ADARB2: variants seen among roughly 807,000 people sequenced by gnomAD.
ADARB2 encodes the protein inactive double-stranded RNA-specific editase B2.
A neutral mutation model predicts 62.2 loss-of-function variants in ADARB2; 25 were observed. The ratio of observed to expected loss-of-function variants is 0.40; its 90% confidence interval spans 0.29 to 0.56. The LOEUF (loss-of-function observed/expected upper bound fraction) is 0.56, where lower values mean the gene tolerates loss of function less well. Among genes scored for constraint, ADARB2 ranks in the 20% least tolerant of loss-of-function variants. The pLI, the probability that ADARB2 is intolerant of heterozygous loss-of-function variation, is 0.43. For missense variants in ADARB2, 1,071 were observed against 1,077.4 expected, an observed-to-expected ratio of 0.99 and a Z score of 0.08; for synonymous variants, 572 against 500.8, an observed-to-expected ratio of 1.14 and a Z score of -1.90.
intron 1 of ADARB2, among the ~76,000 whole-genome samples, chr10:1,652,981 CA>C (rs1256641719): frequency 6.6e-6 from 1 of 152,218 alleles, no homozygotes; most frequent in Non-Finnish European, 1.5e-5. Flanking sequence ...CCAAGCCCCT[CA>C]GACGATGGAG....
intron 9 of ADARB2, among the ~76,000 whole-genome samples, chr10:1,184,246 A>G (rs556452774): frequency 6.6e-6 from 1 of 152,296 alleles, no homozygotes; most frequent in South Asian, 2.1e-4. Flanking sequence ...TGAGAGAGGC[A>G]TTTTTTATGT....
chr10:1,659,050 A>T (rs1834210316), intron 1 of ADARB2, among the ~76,000 whole-genome samples: 1 of 152,216 alleles, frequency 6.6e-6, no homozygotes, highest in African/African-American at 2.4e-5. Flanking sequence ...CAGCTTTGCA[A>T]ATCTCCTGTT....
chr10:1,693,025 G>A (rs1834693097), intron 1 of ADARB2, among the ~76,000 whole-genome samples: 1 of 152,140 alleles, frequency 6.6e-6, no homozygotes, highest in Non-Finnish European at 1.5e-5. Flanking sequence ...GGAGTTTTTG[G>A]AAGTCTCTTC....
At chr10:1,281,195 C>T (rs374579454) in intron 3 of ADARB2, among the ~76,000 whole-genome samples, 16 of 152,296 alleles carry the variant, frequency 1.1e-4, no homozygotes, top group South Asian at 2.1e-4. Flanking sequence ...TGATGTCACA[C>T]GTTTGGTGGG....
chr10:1,513,392 C>T (rs1175235725), intron 1 of ADARB2, among the ~76,000 whole-genome samples: 6 of 152,180 alleles, frequency 3.9e-5, no homozygotes, highest in African/African-American at 1.2e-4. Context: ...AAGCCGGCAG[C>T]GCCCTGCAGC....
chr10:1,707,570 C>A (rs1358430522), intron 1 of ADARB2, among the ~76,000 whole-genome samples: 2 of 152,194 alleles, frequency 1.3e-5, no homozygotes, highest in African/African-American at 4.8e-5. Context: ...GATCCCGTGG[C>A]CTGGTCTGTT....
At chr10:1,414,991 GTGGATGGA>G (rs898684431) in intron 1 of ADARB2, among the ~76,000 whole-genome samples, 4 of 151,654 alleles carry the variant, frequency 2.6e-5, no homozygotes, top group Admixed American at 6.6e-5. Context: ...ATGATAGAAG[GTGGATGGA>G]TGGATGGATG....
chr10:1,506,724 G>C (rs1180867035), intron 1 of ADARB2, among the ~76,000 whole-genome samples: 1 of 152,228 alleles, frequency 6.6e-6, no homozygotes, highest in South Asian at 2.1e-4. Flanking sequence ...ATAAGTACCC[G>C]CTGTGGACTG....
At chr10:1,607,430 G>T (rs750768102) in intron 1 of ADARB2, among the ~76,000 whole-genome samples, 12 of 152,196 alleles carry the variant, frequency 7.9e-5, no homozygotes, top group Non-Finnish European at 1.8e-4. Flanking sequence ...CCTAACCTCG[G>T]CTCTGAAGTT....
chr10:1,188,192 T>C (rs1051074676), intron 8 of ADARB2: 1 of 152,376 alleles, frequency 6.6e-6, no homozygotes, highest in African/African-American at 2.4e-5. Flanking sequence ...CACGAGGTGA[T>C]GTGAAGATCA....
intron 1 of ADARB2, among the ~76,000 whole-genome samples, chr10:1,721,504 A>G (rs950106198): frequency 2.6e-5 from 4 of 151,964 alleles, no homozygotes; most frequent in Admixed American, 2.0e-4. Flanking sequence ...AGGGAGTGCA[A>G]AGACACACAC....
intron 1 of ADARB2, among the ~76,000 whole-genome samples, chr10:1,539,394 T>G (rs1170121214): frequency 6.6e-6 from 1 of 152,192 alleles, no homozygotes; most frequent in Non-Finnish European, 1.5e-5. Context: ...TCTGGTCTGA[T>G]GCAAACCCAT....
intron 1 of ADARB2, among the ~76,000 whole-genome samples, chr10:1,633,554 ATCT>A (rs1833871276): frequency 3.4e-4 from 24 of 71,076 alleles, no homozygotes; most frequent in African/African-American, 1.6e-3. Context: ...TCTATCATCT[ATCT>A]ATCTATCTAT....
chr10:1,608,132 C>T (rs1331385055), intron 1 of ADARB2, among the ~76,000 whole-genome samples: 1 of 152,198 alleles, frequency 6.6e-6, no homozygotes, highest in African/African-American at 2.4e-5. Context: ...AAGATCCATG[C>T]AAATGGAAAG....
intron 3 of ADARB2, among the ~76,000 whole-genome samples, chr10:1,311,790 C>CA (rs1831693381): frequency 6.6e-6 from 1 of 152,240 alleles, no homozygotes; most frequent in South Asian, 2.1e-4. Flanking sequence ...GAGCTACCAT[C>CA]TCCGCCCTAT....
intron 1 of ADARB2, among the ~76,000 whole-genome samples, chr10:1,648,423 G>A (rs985024742): frequency 1.3e-5 from 2 of 152,084 alleles, no homozygotes; most frequent in African/African-American, 4.8e-5. Context: ...GAATGAACTC[G>A]AGCTGGCTCA....
intron 1 of ADARB2, among the ~76,000 whole-genome samples, chr10:1,710,297 A>G (rs1030630317): frequency 6.6e-5 from 10 of 152,236 alleles, no homozygotes; most frequent in Admixed American, 3.9e-4. Context: ...CAAGCATTGG[A>G]ACTGTCCTCA....
At chr10:1,375,734 T>C (rs548868347) in intron 2 of ADARB2, among the ~76,000 whole-genome samples, 10 of 152,266 alleles carry the variant, frequency 6.6e-5, no homozygotes, top group Middle Eastern at 3.4e-3. Context: ...TGCACACATG[T>C]GCACAGATTC....
chr10:1,588,007 C>T (rs561880770), intron 1 of ADARB2, among the ~76,000 whole-genome samples: 6 of 152,272 alleles, frequency 3.9e-5, no homozygotes, highest in Non-Finnish European at 7.4e-5. Context: ...TACCCAGTCT[C>T]GGTTGCGTCT....
Sources: gnomAD v4.1 joint callset for allele counts (sites outside exome capture counted in the v4.1 genomes callset) on GRCh38, gnomAD v4.1.1 for gene constraint, MANE v1.5 for transcripts, NCBI Gene and HGNC (gene_info 2026-07-23, HGNC 2026-07-21) for gene names.